SRI: variants seen among roughly 807,000 people sequenced by gnomAD.
SRI encodes the protein sorcin, also known as 22 kDa protein.
SRI carries 30 observed loss-of-function variants against 33.3 expected under a neutral mutation model. The observed-to-expected ratio is 0.90, with a 90% CI of 0.67 to 1.22. The LOEUF is 1.22. Ranked by LOEUF, SRI falls within the 50% of genes most tolerant of loss-of-function variation. The pLI is 0.00. For missense variants in SRI, 243 were observed against 250.8 expected (o/e 0.97, Z 0.21); for synonymous variants, 75 against 89.9 (o/e 0.83, Z 0.94).
intron 2 of SRI, among the ~76,000 whole-genome samples, chr7:88,218,522 C>T (rs1851789905): frequency 6.6e-6 from 1 of 152,154 alleles, no homozygotes; most frequent in South Asian, 2.1e-4. Flanking sequence ...CCATTAGAAT[C>T]GAGCTATGTA....
chr7:88,216,837 C>T (rs1397497496), intron 3 of SRI: 5 of 449,642 alleles, frequency 1.1e-5, no homozygotes, highest in Non-Finnish European at 8.1e-6. Flanking sequence ...TGCAGTGGTA[C>T]AATCATAGAT....
chr7:88,217,570 T>A (rs1207530408), intron 2 of SRI, among the ~76,000 whole-genome samples: 1 of 152,222 alleles, frequency 6.6e-6, no homozygotes, highest in Non-Finnish European at 1.5e-5. Flanking sequence ...GGTCACTTTT[T>A]CTTATGATAT....
chr7:88,213,107 A>G (rs1009196674), intron 3 of SRI, among the ~76,000 whole-genome samples: 4 of 152,162 alleles, frequency 2.6e-5, no homozygotes, highest in African/African-American at 4.8e-5. Flanking sequence ...ACAGCTGTAG[A>G]GTCCATTTCC....
rs751276420 is a variant in SRI at position 88,210,874 on chromosome 7, A to C, written c.249+8T>G. 5.0e-6 allele frequency: 8 copies of C among 1,612,902 alleles called. No homozygotes were observed. The East Asian group carries it at 1.6e-4, about 32-fold the overall frequency. On this transcript the variant is annotated splice_region_variant and intron_variant, in intron 4 of 7. Coordinates refer to ENST00000265729, the MANE Select transcript of SRI (RefSeq NM_003130.4). Reference sequence around the variant, plus strand: ...ATTATTCTAGACAACAATCAAAGTAAAGGATACATCCAGCATTGAAACCAT... The same window carrying C: ...ATTATTCTAGACAACAATCAAAGTACAGGATACATCCAGCATTGAAACCAT...
chr7:88,210,965 C>A, intron 3 of SRI, 40 bp from the exon 4 acceptor site: 3 of 1,539,764 alleles, frequency 1.9e-6, no homozygotes, highest in South Asian at 1.1e-5. Context: ...TAACACAAAT[C>A]CAAAAATTCA....
chr7:88,207,629 A>G (rs1400960707), intron 7 of SRI: 1 of 152,232 alleles, frequency 6.6e-6, no homozygotes, highest in Non-Finnish European at 1.5e-5. Context: ...GCACTAGGTT[A>G]TGTTCACACT....
upstream of SRI, chr7:88,220,075 C>G: frequency 6.7e-7 from 1 of 1,488,504 alleles, no homozygotes; most frequent in Non-Finnish European, 8.9e-7. Context: ...CAGGCCTCTC[C>G]GCCCCCTGCC....
At chr7:88,211,481 T>A (rs1851578402) in intron 3 of SRI, among the ~76,000 whole-genome samples, 1 of 152,094 alleles carries the variant, frequency 6.6e-6, no homozygotes. Context: ...TACATAGTAC[T>A]GTTCATACTT....
At chr7:88,209,635 G>A (rs911042343) in intron 5 of SRI, among the ~76,000 whole-genome samples, 183 bp from the exon 6 acceptor site, 8 of 151,902 alleles carry the variant, frequency 5.3e-5, no homozygotes, top group Non-Finnish European at 1.0e-4. Context: ...ATTTATTTAC[G>A]AGAGGGAGTC....
chr7:88,216,997 T>A, intron 3 of SRI, 125 bp downstream of exon 3: 1 of 891,294 alleles, frequency 1.1e-6, no homozygotes, highest in Non-Finnish European at 1.9e-6. Context: ...GTATTTTAGC[T>A]TTCGGAATTC....
At chr7:88,211,069 G>C in intron 3 of SRI, 144 bp from the exon 4 acceptor site, 1 of 681,038 alleles carries the variant, frequency 1.5e-6, no homozygotes, top group Non-Finnish European at 2.5e-6. Context: ...TAATCATATG[G>C]AACTTCAAAG....
intron 1 of SRI, 41 bp downstream of exon 1, chr7:88,219,935 C>G (rs1586721949): frequency 6.5e-7 from 1 of 1,536,042 alleles, no homozygotes. Context: ...CTTAGCGCCC[C>G]GGAGCCGCCT....
chr7:88,213,300 G>C (rs1851625251), intron 3 of SRI, among the ~76,000 whole-genome samples: 1 of 152,124 alleles, frequency 6.6e-6, no homozygotes, highest in Non-Finnish European at 1.5e-5. Flanking sequence ...TCAGGATAAA[G>C]TCCAAGCACC....
intron 3 of SRI, among the ~76,000 whole-genome samples, chr7:88,214,332 TG>T (rs1224625778): frequency 6.6e-6 from 1 of 152,158 alleles, no homozygotes; most frequent in African/African-American, 2.4e-5. Context: ...AAAATATGTT[TG>T]GTCAGGGGAG....
At chr7:88,210,749 T>C (rs1302732915) in intron 4 of SRI, 133 bp downstream of exon 4, 8 of 821,616 alleles carry the variant, frequency 9.7e-6, no homozygotes, top group South Asian at 6.7e-5. Context: ...CACCCTATAA[T>C]AGAAGCTAAT....
In SRI at chr7:88,205,691, G is replaced by C. The variant is rs1046192; in HGVS notation, c.*787C>G. On this transcript the variant is annotated 3_prime_UTR_variant, in exon 8 of 8. Coordinates refer to ENST00000265729, the MANE Select transcript of SRI (RefSeq NM_003130.4). ...GAATACATGGTATATCAAAATGGAT[G>C]TATCAGTATTTTAAAAACTAAAATC... 6.6e-6 allele frequency: 1 copy of C among 152,088 alleles called. No homozygotes were observed. Among genetic ancestry groups the C allele is most frequent in the African/African-American group, 2.4e-5 (1 of 41,392 alleles). 9.4% of individuals were successfully genotyped at this position (152,088 alleles called of 1,614,324 possible).
chr7:88,210,441 C>G (rs1851548157), intron 4 of SRI: 1 of 423,398 alleles, frequency 2.4e-6, no homozygotes, highest in Non-Finnish European at 4.4e-6. Context: ...GTGCTTCAGG[C>G]TATGCTGTTT....
In SRI at chr7:88,217,203, A is replaced by T. The variant is rs1192089459; in HGVS notation, c.136-12T>A. 6.2e-7 allele frequency: 1 copy of T among 1,609,150 alleles called. No individual in the cohort carries two copies. The highest frequency in any genetic ancestry group is 8.5e-7 in the Non-Finnish European group (1 of 1,177,050). ...TCTATCTGCCCATCCTTTTGAAAAA[A>T]AATTAGAGGAATCATAATAGTGATT... On this transcript the variant is annotated splice_polypyrimidine_tract_variant and intron_variant, in intron 2 of 7. Transcript: ENST00000265729.
chr7:88,226,070 G>A (rs1165110650), intron 1 of SRI, among the ~76,000 whole-genome samples: 2 of 152,116 alleles, frequency 1.3e-5, no homozygotes, highest in Non-Finnish European at 2.9e-5. Flanking sequence ...TTGAATACTG[G>A]ACCTGTATGC....
Sources: allele counts gnomAD v4.1 joint callset (sites outside exome capture counted in the v4.1 genomes callset), GRCh38; gene constraint gnomAD v4.1.1; transcripts MANE v1.5; gene names NCBI Gene and HGNC (gene_info 2026-07-23, HGNC 2026-07-21).